The following ENOSF1 variants were observed in gnomAD, a reference collection of about 807,000 sequenced individuals.
ENOSF1 encodes mitochondrial enolase superfamily member 1.
Under a neutral mutation model 68.2 loss-of-function variants are expected in ENOSF1, and 73 were observed. The ratio of observed to expected loss-of-function variants is 1.07; its 90% CI spans 0.89 to 1.30. The LOEUF (loss-of-function observed/expected upper bound fraction) is 1.30, where lower values mean the gene tolerates loss of function less well. Among genes scored for constraint, ENOSF1 ranks in the 50% most tolerant of loss-of-function variants. ENOSF1 has a pLI of 0.00. For synonymous variants in ENOSF1, 223 were observed against 210.4 expected, an observed-to-expected ratio of 1.06 and a Z score of -0.52; for missense variants, 589 against 554.5, an observed-to-expected ratio of 1.06 and a Z score of -0.62.
At position 706,585 on chromosome 18, in the gene ENOSF1, GAGA is replaced by G. The variant is rs760046818; in HGVS notation, c.85-10_85-8del. ...AGTAGTCAGGGTCCGTGTGCTGCAG[GAGA>G]AGAGTTCCCCGCCGAAACAATGCCA... On this transcript the variant is annotated splice_polypyrimidine_tract_variant and splice_region_variant and intron_variant, in intron 1 of 15. Coordinates refer to ENST00000647584, the MANE Select transcript of ENOSF1 (RefSeq NM_017512.7). 36 of 1,607,564 alleles carry G rather than the reference GAGA, an allele frequency of 2.2e-5. No homozygotes were observed. In the Middle Eastern group the frequency reaches 5.0e-4, roughly 22 times the overall value.
intron 10 of ENOSF1, among the ~76,000 whole-genome samples, chr18:683,858 C>T (rs1262617865): frequency 6.6e-6 from 1 of 152,092 alleles, no homozygotes; most frequent in Non-Finnish European, 1.5e-5. Flanking sequence ...CTTAACTCTC[C>T]CATAATGGCA....
At chr18:694,182 G>A in intron 4 of ENOSF1, 66 bp downstream of exon 4, 1 of 1,471,440 alleles carries the variant, frequency 6.8e-7, no homozygotes, top group Non-Finnish European at 9.4e-7. Flanking sequence ...TCTTTCCTCT[G>A]TGCGTAGGGA....
chr18:672,753 A>T lies in ENOSF1; in HGVS notation c.*1552T>A. 7.7e-7 allele frequency: 1 copy of T among 1,304,368 alleles called. No individual in the cohort carries two copies. The highest frequency in any genetic ancestry group is 1.8e-5 in the South Asian group (1 of 56,480). 80.8% of individuals were successfully genotyped at this position (1,304,368 alleles called of 1,614,324 possible). On this transcript the variant is annotated 3_prime_UTR_variant, in exon 16 of 16. Coordinates refer to ENST00000647584, the MANE Select transcript of ENOSF1 (RefSeq NM_017512.7). ...TATCGACAGGATCATACTCCTGTAA[A>T]ATAGAACTTTGTTGATCACATCCTG...
chr18:668,191 C>T (rs1421881955), downstream of ENOSF1, among the ~76,000 whole-genome samples: 1 of 151,926 alleles, frequency 6.6e-6, no homozygotes, highest in Non-Finnish European at 1.5e-5. Flanking sequence ...CTTGTAACCA[C>T]TACAATCAAG....
chr18:690,620 G>A lies in ENOSF1; in HGVS notation c.547C>T (p.Leu183=), dbSNP rs373636779. ...GTGTAAGCAGGGTATCCTTGTGCCA[G>A]CATTTGCTTCTCTGTGAAAACACAG... ...IGKKEREKQM[L]AQGYPAYTTS... is the part of the protein sequence containing the mutation. Residue 183 remains leucine, a synonymous_variant, in exon 8 of 16, where the codon CTG becomes TTG. Coordinates refer to ENST00000647584, the MANE Select transcript of ENOSF1 (RefSeq NM_017512.7). The A allele has an allele frequency of 2.5e-6, 4 of 1,613,044 alleles. 1 individual carries two copies. The highest frequency in any genetic ancestry group is 3.4e-6 in the Non-Finnish European group (4 of 1,179,990).
intron 1 of ENOSF1, 94 bp from the exon 2 acceptor site, chr18:706,672 C>A (rs2078966711): frequency 2.2e-6 from 2 of 904,758 alleles, no homozygotes; most frequent in South Asian, 1.4e-5. Context: ...GACAATGCCA[C>A]AGGGGCCGTG....
chr18:670,979 A>G lies in ENOSF1; in HGVS notation c.*3326T>C, dbSNP rs940918157. The G allele has an allele frequency of 3.3e-5, 43 of 1,309,964 alleles. No individual in the cohort carries two copies. Among genetic ancestry groups the G allele is most frequent in the Admixed American group, 1.5e-4 (6 of 40,538 alleles). The allele number at this position is 1,309,964 out of a possible 1,614,324, so 81.1% of individuals were successfully genotyped here. On this transcript the variant is annotated 3_prime_UTR_variant, in exon 16 of 16. Coordinates refer to ENST00000647584, the MANE Select transcript of ENOSF1 (RefSeq NM_017512.7). ...AGTCTCTGATTAGCTTTTAAATTTG[A>G]TATGTGTAAGTAAGAAATGAACCAG... is the stretch of plus-strand genomic sequence containing the variant.
Position 683,354 on chromosome 18 carries a change from A to G in ENOSF1, c.768T>C (p.Asp256=), listed in dbSNP as rs985828994. ...TLMMDANQRW[D]VPEAVEWMSK... ...ACATCCACTCCACCGCCTCAGGCAC[A>G]TCCCAGCGCTGGTTGGCATCCATCA... is the stretch of plus-strand genomic sequence containing the variant. The change falls in exon 11 of 16, where the codon GAT becomes GAC. Residue 256 remains aspartate (D), a synonymous_variant. Transcript: ENST00000647584. The G allele has an allele frequency of 3.1e-6, 5 of 1,614,030 alleles. No homozygotes were observed. In the African/African-American group the frequency reaches 6.7e-5, roughly 22 times the overall value.
At chr18:689,676 T>C (rs1037704002) in intron 8 of ENOSF1, among the ~76,000 whole-genome samples, 1 of 152,184 alleles carries the variant, frequency 6.6e-6, no homozygotes, top group Non-Finnish European at 1.5e-5. Context: ...ATATATATTT[T>C]GTCTCTGCCC....
In ENOSF1 at chr18:675,310, C is replaced by T. The variant is rs763859523; in HGVS notation, c.1230+11G>A. 1 of 1,606,668 alleles carries T rather than the reference C, an allele frequency of 6.2e-7. No individual in the cohort carries two copies. The highest frequency in any genetic ancestry group is 2.2e-5 in the East Asian group (1 of 44,758). ...CATCTCTTCTACAGGGGCCCTCAGG[C>T]CACAGCTTACCTTGGGAGGCATGTA... On this transcript the variant is annotated intron_variant, in intron 15 of 15. Coordinates refer to ENST00000647584, the MANE Select transcript of ENOSF1 (RefSeq NM_017512.7).
Position 677,386 on chromosome 18 carries a change from A to C in ENOSF1, c.1107T>G (p.Ile369Met). The change falls in exon 14 of 16, where the codon ATT becomes ATG. Residue 369 changes from isoleucine to methionine, a missense_variant. Ile to Met is a conservative substitution (Grantham distance 10). Transcript: ENST00000647584. Reference protein sequence around the residue: ...VGLCELVQHLIIFDYISVSAS... With the variant: ...VGLCELVQHLMIFDYISVSAS... ...CAGAAACTGATATGTAGTCAAATAT[A>C]ATCAGGTGCTGCACCAGTTCACAGA... is the stretch of plus-strand genomic sequence containing the variant. 6.8e-6 allele frequency: 11 copies of C among 1,613,816 alleles called. No individual in the cohort carries two copies. Among genetic ancestry groups the C allele is most frequent in the Non-Finnish European group, 9.3e-6 (11 of 1,179,948 alleles).
At chr18:677,961 A>G in intron 12 of ENOSF1, 89 bp from the exon 13 acceptor site, 1 of 1,458,062 alleles carries the variant, frequency 6.9e-7, no homozygotes, top group Admixed American at 2.2e-5. Context: ...ACTCTATGCC[A>G]ATAATTATTC....
chr18:690,746 CT>C (rs2077067036), intron 7 of ENOSF1, 115 bp from the exon 8 acceptor site: 2 of 1,524,846 alleles, frequency 1.3e-6, no homozygotes. Flanking sequence ...TGATCCGGCC[CT>C]GCACACACAC....
rs137931067 is a variant in ENOSF1, at chr18:671,840, T to C, written c.*2465A>G. 233 of 217,570 alleles carry C rather than the reference T, an allele frequency of 1.1e-3. No homozygotes were observed. The East Asian group carries it at 0.014, about 13-fold the overall frequency. 13.5% of individuals were successfully genotyped at this position (217,570 alleles called of 1,614,324 possible). A position where few individuals can be genotyped will look rare whatever the true frequency, so the allele number is the denominator to read the frequency against. Reference sequence around the variant, plus strand: ...TCGGCCAGGCTGGAGTGTGCCGTGGTGCGATCTCAGCTCACTGCAACCTCC... The same window carrying C: ...TCGGCCAGGCTGGAGTGTGCCGTGGCGCGATCTCAGCTCACTGCAACCTCC... On this transcript the variant is annotated 3_prime_UTR_variant, in exon 16 of 16. Transcript: ENST00000647584.
In ENOSF1 at chr18:672,863, C is replaced by A; in HGVS notation, c.*1442G>T. 1 of 1,562,966 alleles carries A rather than the reference C, an allele frequency of 6.4e-7. No homozygotes were observed. Among genetic ancestry groups the A allele is most frequent in the Non-Finnish European group, 8.7e-7 (1 of 1,143,020 alleles). On this transcript the variant is annotated 3_prime_UTR_variant, in exon 16 of 16. Transcript: ENST00000647584. ...AATGGCCTTATTTTGTTTTTAGCTT[C>A]AGCGAGAACCCAGACCTTTCCCAAA...
chr18:678,210 T>C, intron 12 of ENOSF1: 1 of 300,612 alleles, frequency 3.3e-6, no homozygotes, highest in Non-Finnish European at 6.3e-6. Flanking sequence ...GATGAGCAGG[T>C]GGCACAGATG....
Position 671,265 on chromosome 18 carries a change from CTAAAT to C in ENOSF1, c.*3035_*3039del. On this transcript the variant is annotated 3_prime_UTR_variant, in exon 16 of 16. Transcript: ENST00000647584. ...GCTACAAAAAAATGGAAAAGCTACA[CTAAAT>C]TATTTTTTTAAAAAAAGCCTTGCGG... 1 of 786,494 alleles carries C rather than the reference CTAAAT, an allele frequency of 1.3e-6. No individual in the cohort carries two copies. Among genetic ancestry groups the C allele is most frequent in the Non-Finnish European group, 2.2e-6 (1 of 453,726 alleles). The allele number at this position is 786,494 out of a possible 1,614,324, so 48.7% of individuals were successfully genotyped here. A position where few individuals can be genotyped will look rare whatever the true frequency, so the allele number is the denominator to read the frequency against.
chr18:675,308 G>T lies in ENOSF1; in HGVS notation c.1230+13C>A. 1 of 1,605,860 alleles carries T rather than the reference G, an allele frequency of 6.2e-7. No homozygotes were observed. Among genetic ancestry groups the T allele is most frequent in the Non-Finnish European group, 8.5e-7 (1 of 1,176,640 alleles). ...AGCATCTCTTCTACAGGGGCCCTCA[G>T]GCCACAGCTTACCTTGGGAGGCATG... On this transcript the variant is annotated intron_variant, in intron 15 of 15. Coordinates refer to ENST00000647584, the MANE Select transcript of ENOSF1 (RefSeq NM_017512.7).
chr18:669,183 A>G, downstream of ENOSF1: 1 of 1,611,970 alleles, frequency 6.2e-7, no homozygotes, highest in Non-Finnish European at 8.5e-7. Context: ...GGTTGAAAGA[A>G]CCCCGTCGTC....
Sources: gnomAD v4.1 joint callset for allele counts (sites outside exome capture counted in the v4.1 genomes callset) on GRCh38, gnomAD v4.1.1 for gene constraint, MANE v1.5 for transcripts, NCBI Gene and HGNC (gene_info 2026-07-23, HGNC 2026-07-21) for gene names.